HS6ST3: variants seen among roughly 807,000 people sequenced by gnomAD.
HS6ST3 encodes heparan sulfate 6-O-sulfotransferase 3, also known as heparan-sulfate 6-O-sulfotransferase 3.
In HS6ST3, 12 loss-of-function variants were observed where a neutral mutation model predicts 36.7. The observed-to-expected ratio is 0.33, with a 90% confidence interval of 0.21 to 0.53. The LOEUF is 0.53. Ranked by LOEUF, HS6ST3 falls within the 20% of genes least tolerant of loss-of-function variation. HS6ST3 has a pLI of 0.95. For synonymous variants in HS6ST3, 240 were observed against 257.5 expected, an observed-to-expected ratio of 0.93 and a Z score of 0.65; for missense variants, 584 against 640.9, an observed-to-expected ratio of 0.91 and a Z score of 0.96.
At chr13:96,228,940 G>T (rs766922880) in intron 1 of HS6ST3, among the ~76,000 whole-genome samples, 3 of 152,140 alleles carry the variant, frequency 2.0e-5, no homozygotes, top group Non-Finnish European at 2.9e-5. Context: ...TGTAGGCGTG[G>T]GTGTGAGGAG....
chr13:96,634,989 A>C (rs2056544389), intron 1 of HS6ST3, among the ~76,000 whole-genome samples: 1 of 152,072 alleles, frequency 6.6e-6, no homozygotes, highest in Non-Finnish European at 1.5e-5. Context: ...TGTCTAACCA[A>C]GGACAATGTC....
At chr13:96,493,507 G>A (rs1471982002) in intron 1 of HS6ST3, among the ~76,000 whole-genome samples, 1 of 152,134 alleles carries the variant, frequency 6.6e-6, no homozygotes, top group Non-Finnish European at 1.5e-5. Flanking sequence ...CAAGATCAAT[G>A]TTATCTTTCT....
chr13:96,495,306 G>C lies in HS6ST3; in HGVS notation c.708-337184G>C, dbSNP rs1248344835. Among the ~76,000 whole-genome samples, 3 of 152,184 alleles carry C rather than the reference G, an allele frequency of 2.0e-5. No homozygotes were observed. In the East Asian group the frequency reaches 5.8e-4, roughly 29 times the overall value. ...TTTATTTCTAGGGTCATTGTCGCTTGTAAGAAATATCCCTCTCCTTTTGTT... is the reference window on the plus strand; with the variant it reads ...TTTATTTCTAGGGTCATTGTCGCTTCTAAGAAATATCCCTCTCCTTTTGTT... On this transcript the variant is annotated intron_variant, in intron 1 of 1. Coordinates refer to ENST00000376705, the MANE Select transcript of HS6ST3 (RefSeq NM_153456.4).
chr13:96,772,829 T>G (rs1306915213), intron 1 of HS6ST3, among the ~76,000 whole-genome samples: 5 of 152,220 alleles, frequency 3.3e-5, no homozygotes, highest in African/African-American at 9.6e-5. Context: ...GATTTTCTTT[T>G]TTGGGAATGG....
At chr13:96,264,831 A>G (rs1033972517) in intron 1 of HS6ST3, among the ~76,000 whole-genome samples, 3 of 152,214 alleles carry the variant, frequency 2.0e-5, no homozygotes, top group Non-Finnish European at 4.4e-5. Context: ...TGCCAGTGTT[A>G]TAAGTTGACA....
chr13:96,233,838 G>C (rs1472246509), intron 1 of HS6ST3, among the ~76,000 whole-genome samples: 1 of 151,980 alleles, frequency 6.6e-6, no homozygotes, highest in Non-Finnish European at 1.5e-5. Context: ...TTTATAGAAG[G>C]AATTTAAATA....
In HS6ST3 at chr13:96,537,280, G is replaced by C. The variant is rs146315935; in HGVS notation, c.708-295210G>C. On this transcript the variant is annotated intron_variant, in intron 1 of 1. Transcript: ENST00000376705. The stretch of plus-strand genomic sequence containing the variant: ...GTGAGACTTAACTACCACGAGAACA[G>C]TATGGGGGAAACCACCCCTATGATT... Among the ~76,000 whole-genome samples the C allele has an allele frequency of 2.9e-3, 447 of 152,254 alleles. 3 individuals are homozygous for C. Among genetic ancestry groups the C allele is most frequent in the African/African-American group, 0.01 (426 of 41,548 alleles).
At chr13:96,511,100 A>G (rs1443034830) in intron 1 of HS6ST3, among the ~76,000 whole-genome samples, 1 of 152,140 alleles carries the variant, frequency 6.6e-6, no homozygotes, top group African/African-American at 2.4e-5. Context: ...TTGACTCAGC[A>G]CACTGAGATG....
chr13:96,835,862 G>C lies in HS6ST3; in HGVS notation c.*2664G>C, dbSNP rs3742123. ...ATGTATGCGGCTCCACTTGAGACCA[G>C]GTATCAGGATGTTCAGAGGGAGCCA... On this transcript the variant is annotated 3_prime_UTR_variant, in exon 2 of 2. Transcript: ENST00000376705. 22,944 of 152,182 alleles carry C rather than the reference G, an allele frequency of 0.15. 2,176 individuals are homozygous for C. The highest frequency in any genetic ancestry group is 0.23 in the Admixed American group (3,535 of 15,290). 9.4% of individuals were successfully genotyped at this position (152,182 alleles called of 1,614,324 possible).
intron 1 of HS6ST3, among the ~76,000 whole-genome samples, chr13:96,654,744 T>C (rs1248336476): frequency 3.3e-5 from 5 of 152,130 alleles, no homozygotes; most frequent in Non-Finnish European, 1.5e-5. Context: ...TTTTAATTTT[T>C]TTAAACTACT....
intron 1 of HS6ST3, among the ~76,000 whole-genome samples, chr13:96,414,815 G>A (rs1055367082): frequency 6.6e-6 from 1 of 152,144 alleles, no homozygotes; most frequent in South Asian, 2.1e-4. Context: ...TCTAAACATA[G>A]TGTGACATCT....
chr13:96,226,116 A>G (rs2054478990), intron 1 of HS6ST3, among the ~76,000 whole-genome samples: 1 of 152,214 alleles, frequency 6.6e-6, no homozygotes, highest in Non-Finnish European at 1.5e-5. Flanking sequence ...CTGCCCTCTC[A>G]AAAACATATT....
chr13:96,526,016 GT>G (rs767833628), intron 1 of HS6ST3, among the ~76,000 whole-genome samples: 4 of 152,228 alleles, frequency 2.6e-5, no homozygotes, highest in Non-Finnish European at 4.4e-5. Flanking sequence ...GAAGAGGAAG[GT>G]TTTCAGTAGG....
chr13:96,794,132 T>C (rs1877856321), intron 1 of HS6ST3, among the ~76,000 whole-genome samples: 1 of 152,086 alleles, frequency 6.6e-6, no homozygotes, highest in Non-Finnish European at 1.5e-5. Context: ...TGTGAGAACT[T>C]TTGTGTTCTC....
rs72643805 is a variant in HS6ST3, at chr13:96,626,871, G to C, written c.708-205619G>C. On this transcript the variant is annotated intron_variant, in intron 1 of 1. Coordinates refer to ENST00000376705, the MANE Select transcript of HS6ST3 (RefSeq NM_153456.4). ...AAATACATATTGTTACTGGCATATGGAAATGCAGATAATTTTCAATACTCA... is the reference window on the plus strand; with the variant it reads ...AAATACATATTGTTACTGGCATATGCAAATGCAGATAATTTTCAATACTCA... Among the ~76,000 whole-genome samples the C allele has an allele frequency of 4.1e-3, 620 of 152,020 alleles. 6 individuals are homozygous for C. The highest frequency in any genetic ancestry group is 7.1e-3 in the Admixed American group (109 of 15,270).
At chr13:96,142,817 A>G (rs2054038544) in intron 1 of HS6ST3, among the ~76,000 whole-genome samples, 1 of 152,132 alleles carries the variant, frequency 6.6e-6, no homozygotes, top group Non-Finnish European at 1.5e-5. Context: ...TTCTTCACAA[A>G]TCCTTCTACT....
chr13:96,212,111 A>G (rs2054401965), intron 1 of HS6ST3, among the ~76,000 whole-genome samples: 1 of 152,222 alleles, frequency 6.6e-6, no homozygotes, highest in African/African-American at 2.4e-5. Context: ...ATAGGAAAAT[A>G]TCTCTAGGGT....
intron 1 of HS6ST3, among the ~76,000 whole-genome samples, chr13:96,405,673 T>C (rs947090369): frequency 2.0e-5 from 3 of 152,208 alleles, no homozygotes; most frequent in Non-Finnish European, 2.9e-5. Context: ...ACCCTTCTTA[T>C]GCAAAAAGAT....
At chr13:96,520,482 C>T (rs1396016806) in intron 1 of HS6ST3, among the ~76,000 whole-genome samples, 8 of 152,122 alleles carry the variant, frequency 5.3e-5, no homozygotes, top group African/African-American at 7.2e-5. Flanking sequence ...TCTTCCTATC[C>T]ATAAGCATGG....
Sources: gnomAD v4.1 joint callset for allele counts (sites outside exome capture counted in the v4.1 genomes callset) on GRCh38, gnomAD v4.1.1 for gene constraint, MANE v1.5 for transcripts, NCBI Gene and HGNC (gene_info 2026-07-23, HGNC 2026-07-21) for gene names.